Variants in RBFOX1 observed in about 807,000 individuals in gnomAD.
RBFOX1 encodes RNA binding protein fox-1 homolog 1.
A neutral mutation model predicts 57.7 loss-of-function variants in RBFOX1; 8 were observed. That is an observed-to-expected ratio of 0.14 (90% CI 0.08 to 0.25). RBFOX1 has a LOEUF of 0.25. RBFOX1 is among the 10% of genes least tolerant of loss of function. RBFOX1 has a pLI of 1.00. For missense variants in RBFOX1, 611 were observed against 548.5 expected, an observed-to-expected ratio of 1.11 and a Z score of -1.14; for synonymous variants, 326 against 222.4, an observed-to-expected ratio of 1.47 and a Z score of -4.15.
At chr16:5,357,314 A>C (rs2065418384) in intron 1 of RBFOX1, among the ~76,000 whole-genome samples, 2 of 152,240 alleles carry the variant, frequency 1.3e-5, no homozygotes, top group South Asian at 4.1e-4. Context: ...TGGCCCAATT[A>C]GAGACCTCTC....
At chr16:7,518,496 G>C in intron 5 of RBFOX1, 107 bp downstream of exon 5, 1 of 1,452,928 alleles carries the variant, frequency 6.9e-7, no homozygotes, top group East Asian at 2.3e-5. Flanking sequence ...CTGGGAAACA[G>C]ATCAGTCCCT....
chr16:6,816,747 A>AG (rs1226468593), intron 3 of RBFOX1, among the ~76,000 whole-genome samples: 1 of 151,518 alleles, frequency 6.6e-6, no homozygotes, highest in Non-Finnish European at 1.5e-5. Context: ...CAAAAAAAAA[A>AG]AAAAAAGGAA....
At chr16:7,340,279 C>T (rs1318428317) in intron 4 of RBFOX1, among the ~76,000 whole-genome samples, 1 of 152,188 alleles carries the variant, frequency 6.6e-6, no homozygotes, top group Non-Finnish European at 1.5e-5. Context: ...GCTTTCTCCC[C>T]CATAACTTTG....
At chr16:6,538,772 G>A (rs542521760) in intron 2 of RBFOX1, among the ~76,000 whole-genome samples, 1 of 152,224 alleles carries the variant, frequency 6.6e-6, no homozygotes, top group South Asian at 2.1e-4. Flanking sequence ...TTTTTTTCAT[G>A]GCTTCTTCCA....
At chr16:5,313,338 G>A (rs1221380393) in intron 1 of RBFOX1, among the ~76,000 whole-genome samples, 1 of 152,096 alleles carries the variant, frequency 6.6e-6, no homozygotes, top group Admixed American at 6.5e-5. Context: ...CTCTAGATAT[G>A]GCTTTCCCCA....
At chr16:7,035,821 G>C (rs1446720760) in intron 3 of RBFOX1, among the ~76,000 whole-genome samples, 1 of 152,046 alleles carries the variant, frequency 6.6e-6, no homozygotes, top group Non-Finnish European at 1.5e-5. Context: ...AGTTCATTTT[G>C]TGTGAAGCAT....
chr16:6,593,999 G>A lies in RBFOX1; in HGVS notation c.-63-60604G>A, dbSNP rs576410278. Reference sequence around the variant, plus strand: ...ACGTGGAAGATTCCAGCCTCCCTCCGCCCAGTGTTACAGCTTGGACTGAAT... The same window carrying A: ...ACGTGGAAGATTCCAGCCTCCCTCCACCCAGTGTTACAGCTTGGACTGAAT... On this transcript the variant is annotated intron_variant, in intron 2 of 15. Transcript: ENST00000550418. Among the ~76,000 whole-genome samples, 13 of 152,236 alleles carry A rather than the reference G, an allele frequency of 8.5e-5. No individual in the cohort carries two copies. The South Asian group carries it at 1.7e-3, about 19-fold the overall frequency.
intron 3 of RBFOX1, among the ~76,000 whole-genome samples, chr16:6,959,481 A>G (rs1025479339): frequency 6.6e-6 from 1 of 152,086 alleles, no homozygotes; most frequent in Non-Finnish European, 1.5e-5. Flanking sequence ...CCTGATCTCA[A>G]GGGAGTATCT....
chr16:5,417,280 G>C (rs989040346), intron 1 of RBFOX1, among the ~76,000 whole-genome samples: 1 of 152,190 alleles, frequency 6.6e-6, no homozygotes, highest in Admixed American at 6.5e-5. Flanking sequence ...CAATGTGTCC[G>C]AACGTAATTT....
At chr16:7,534,484 T>C (rs2081004901) in intron 5 of RBFOX1, among the ~76,000 whole-genome samples, 1 of 152,104 alleles carries the variant, frequency 6.6e-6, no homozygotes, top group African/African-American at 2.4e-5. Context: ...AGCTTACGTG[T>C]AGAATACGGT....
intron 2 of RBFOX1, among the ~76,000 whole-genome samples, chr16:6,381,485 G>A (rs534234664): frequency 2.0e-5 from 3 of 152,174 alleles, no homozygotes; most frequent in African/African-American, 4.8e-5. Flanking sequence ...AGTGATCAGC[G>A]CTGATAGAGG....
intron 3 of RBFOX1, among the ~76,000 whole-genome samples, chr16:7,009,190 C>G (rs1287092933): frequency 8.4e-6 from 1 of 118,650 alleles, no homozygotes; most frequent in Admixed American, 1.0e-4. Context: ...CTTTCTCTTT[C>G]TCTCTTCCTT....
chr16:7,263,596 G>A (rs1457858126), intron 4 of RBFOX1, among the ~76,000 whole-genome samples: 2 of 151,992 alleles, frequency 1.3e-5, no homozygotes, highest in African/African-American at 4.8e-5. Flanking sequence ...AGCTAAAAGG[G>A]GTGATAAGAG....
At chr16:7,507,236 A>G (rs75539517) in intron 4 of RBFOX1, among the ~76,000 whole-genome samples, 7,745 of 152,190 alleles carry the variant, frequency 0.051, 279 homozygotes, top group East Asian at 0.12. Flanking sequence ...TTTTACCCCA[A>G]TTCATAAAAG....
Position 6,671,337 on chromosome 16 carries a change from A to G in RBFOX1, c.-16+16687A>G, listed in dbSNP as rs186157232. On this transcript the variant is annotated intron_variant, in intron 3 of 15. Coordinates refer to ENST00000550418, the MANE Select transcript of RBFOX1 (RefSeq NM_018723.4). ...TTGTGTCAGAGGTCCATGGAATAGTAATTGATATAATGTTTAATAAAAACA... is the reference window on the plus strand; with the variant it reads ...TTGTGTCAGAGGTCCATGGAATAGTGATTGATATAATGTTTAATAAAAACA... Among the ~76,000 whole-genome samples the G allele has an allele frequency of 1.9e-3, 287 of 152,326 alleles. 2 individuals carry two copies. The highest frequency in any genetic ancestry group is 6.7e-3 in the African/African-American group (277 of 41,578).
chr16:5,454,070 T>A (rs1275304552), intron 1 of RBFOX1, among the ~76,000 whole-genome samples: 1 of 152,232 alleles, frequency 6.6e-6, no homozygotes, highest in Non-Finnish European at 1.5e-5. Context: ...GAGAGGTGGC[T>A]GAGGCCAAAT....
intron 2 of RBFOX1, among the ~76,000 whole-genome samples, chr16:6,472,090 A>G (rs1313865422): frequency 1.3e-5 from 2 of 152,094 alleles, no homozygotes; most frequent in South Asian, 2.1e-4. Context: ...ATCAGACTCT[A>G]CCGACAAATT....
At chr16:6,531,441 C>A (rs569221968) in intron 2 of RBFOX1, among the ~76,000 whole-genome samples, 88 of 152,274 alleles carry the variant, frequency 5.8e-4, no homozygotes, top group African/African-American at 1.9e-3. Flanking sequence ...GTTCCTAAGA[C>A]CTATGGATGT....
intron 3 of RBFOX1, among the ~76,000 whole-genome samples, chr16:5,855,688 A>G (rs2151873788): frequency 6.6e-6 from 1 of 152,142 alleles, no homozygotes; most frequent in Middle Eastern, 3.4e-3. Context: ...TCTTGCTCAA[A>G]ATTATTATAG....
Sources: allele counts gnomAD v4.1 joint callset (sites outside exome capture counted in the v4.1 genomes callset), GRCh38; gene constraint gnomAD v4.1.1; transcripts MANE v1.5; gene names NCBI Gene and HGNC (gene_info 2026-07-23, HGNC 2026-07-21).